The following SVIL variants were observed in gnomAD, a reference collection of about 807,000 sequenced individuals.
SVIL encodes archvillin.
A neutral mutation model predicts 240.4 loss-of-function variants in SVIL; 101 were observed. The ratio of observed to expected loss-of-function variants is 0.42; its 90% CI spans 0.36 to 0.50. The LOEUF (loss-of-function observed/expected upper bound fraction) is 0.50, where lower values mean the gene tolerates loss of function less well. Ranked by LOEUF, SVIL falls within the 20% of genes least tolerant of loss-of-function variation. The probability of loss-of-function intolerance (pLI) is 0.01; values close to 1 mark genes in which losing one functional copy is unlikely to be tolerated. For missense variants in SVIL, 2,512 were observed against 2,818.7 expected (o/e 0.89, Z 2.46); for synonymous variants, 999 against 1,100.0 (o/e 0.91, Z 1.82).
intron 2 of SVIL, among the ~76,000 whole-genome samples, chr10:29,567,126 C>T (rs528412559): frequency 2.1e-4 from 32 of 152,202 alleles, no homozygotes; most frequent in Admixed American, 5.9e-4. Flanking sequence ...TGCCGCCACC[C>T]CCCTTCCTCT....
At chr10:29,562,792 A>G (rs1431848274) in intron 3 of SVIL, among the ~76,000 whole-genome samples, 1 of 149,252 alleles carries the variant, frequency 6.7e-6, no homozygotes, top group African/African-American at 2.5e-5. Context: ...AAAAAAAAAA[A>G]AAAAGAGCCG....
rs574084915 is a variant in SVIL, at chr10:29,652,520, T to C, written c.-201+5449A>G. On this transcript the variant is annotated intron_variant, in intron 3 of 35. Coordinates refer to the SVIL transcript ENST00000375400. ...AATGCTGCTAGAAATATTATTATTT[T>C]TGTACAGCTGGGACTACAGGTATAG... is the stretch of plus-strand genomic sequence containing the variant. Among the ~76,000 whole-genome samples the C allele has an allele frequency of 8.5e-5, 13 of 152,346 alleles. No individual in the cohort carries two copies. In the East Asian group the frequency reaches 2.5e-3, roughly 29 times the overall value.
At position 29,623,578 on chromosome 10, in the gene SVIL, C is replaced by T. The variant is rs564804711; in HGVS notation, c.-201+10842G>A. Among the ~76,000 whole-genome samples, 74 of 152,310 alleles carry T rather than the reference C, an allele frequency of 4.9e-4. 1 individual carries two copies. The highest frequency in any genetic ancestry group is 1.6e-3 in the African/African-American group (68 of 41,568). On this transcript the variant is annotated intron_variant, in intron 1 of 37. Transcript: ENST00000355867. ...AACACAGTCATTTGCCAGGCAGGCG[C>T]GGAGGCTCACGCCTGTAATCCCAGC... is the stretch of plus-strand genomic sequence containing the variant.
chr10:29,635,246 A>T (rs1197519959), upstream of SVIL, among the ~76,000 whole-genome samples: 2 of 152,206 alleles, frequency 1.3e-5, no homozygotes, highest in African/African-American at 4.8e-5. Context: ...TTTTTAGGCT[A>T]AAAAAAGAGC....
At chr10:29,710,689 T>C (rs1963215830) in intron 1 of SVIL, among the ~76,000 whole-genome samples, 1 of 152,098 alleles carries the variant, frequency 6.6e-6, no homozygotes, top group Admixed American at 6.5e-5. Context: ...TCTGCAACAA[T>C]ATAGCAAGAT....
At chr10:29,703,593 C>G (rs1962676217) in intron 1 of SVIL, among the ~76,000 whole-genome samples, 1 of 152,352 alleles carries the variant, frequency 6.6e-6, no homozygotes, top group Non-Finnish European at 1.5e-5. Flanking sequence ...CTGGGGCCAG[C>G]AGACTCGTGG....
chr10:29,545,054 C>T (rs1345757867), intron 6 of SVIL: 2 of 534,594 alleles, frequency 3.7e-6, no homozygotes, highest in Admixed American at 1.9e-5. Flanking sequence ...GAAAACCTGC[C>T]TGCTAGTGGA....
rs1411203258 is a variant in SVIL at position 29,563,259 on chromosome 10, T to A, written c.-109A>T. ...TTCCTCTTTCGTGGTTAGCGAGCTG[T>A]TCTTTATCTTCGAGTGAGAACTCCT... On this transcript the variant is annotated 5_prime_UTR_variant, in exon 3 of 38. Coordinates refer to ENST00000355867, the MANE Select transcript of SVIL (RefSeq NM_021738.3). 2 of 985,752 alleles carry A rather than the reference T, an allele frequency of 2.0e-6. No homozygotes were observed. The highest frequency in any genetic ancestry group is 3.5e-5 in the African/African-American group (2 of 57,252). 61.1% of individuals were successfully genotyped at this position (985,752 alleles called of 1,614,324 possible). A position where few individuals can be genotyped will look rare whatever the true frequency, so the allele number is the denominator to read the frequency against.
chr10:29,574,318 T>C (rs1038028408), intron 1 of SVIL, among the ~76,000 whole-genome samples: 9 of 152,266 alleles, frequency 5.9e-5, no homozygotes, highest in South Asian at 2.1e-4. Context: ...GTCACTGTCA[T>C]AGCATGTCAT....
chr10:29,673,267 A>T, intron 2 of SVIL, among the ~76,000 whole-genome samples: 1 of 152,226 alleles, frequency 6.6e-6, no homozygotes. Context: ...CACTAGAAAT[A>T]TTCTTATTCT....
At position 29,536,050 on chromosome 10, in the gene SVIL, C is replaced by T. The variant is rs778680640; in HGVS notation, c.847G>A (p.Glu283Lys). 15 of 1,614,114 alleles carry T rather than the reference C, an allele frequency of 9.3e-6. No homozygotes were observed. The South Asian group carries it at 1.6e-4, about 18-fold the overall frequency. Residue 283 changes from glutamate (E) to lysine (K), a missense_variant, in exon 7 of 38, where the codon GAG becomes AAG. Coordinates refer to ENST00000355867, the MANE Select transcript of SVIL (RefSeq NM_021738.3). ...TCGGAATCTTTCTGGAGAAACCACT[C>T]ATGTTTGGGTTTCCCTGTACTATTG... is the stretch of plus-strand genomic sequence containing the variant. ...ARPSTGKPKH[E>K]WFLQKDSEGD...
At chr10:29,711,914 ATGTACTAAAATT>A (rs1564351074) in intron 1 of SVIL, 3 of 145,460 alleles carry the variant, frequency 2.1e-5, no homozygotes, top group African/African-American at 4.9e-5. Context: ...ATTACAGTAC[ATGTACTAAAATT>A]GGAATGATAT....
chr10:29,565,829 G>A (rs1307498045), intron 2 of SVIL, among the ~76,000 whole-genome samples: 1 of 152,110 alleles, frequency 6.6e-6, no homozygotes, highest in African/African-American at 2.4e-5. Context: ...GGAGTTTGAG[G>A]TTGCAGTGAG....
At chr10:29,593,340 C>T (rs555754496) in intron 1 of SVIL, among the ~76,000 whole-genome samples, 85 of 152,272 alleles carry the variant, frequency 5.6e-4, no homozygotes, top group African/African-American at 1.9e-3. Flanking sequence ...ACTCCTGGAC[C>T]TTCACATAAA....
At chr10:29,584,077 G>T (rs1313579158) in intron 1 of SVIL, among the ~76,000 whole-genome samples, 1 of 152,222 alleles carries the variant, frequency 6.6e-6, no homozygotes, top group African/African-American at 2.4e-5. Context: ...ACGAAGGAAG[G>T]CTTCCTGGAG....
At chr10:29,617,182 A>G (rs1038306810) in intron 1 of SVIL, among the ~76,000 whole-genome samples, 6 of 152,196 alleles carry the variant, frequency 3.9e-5, no homozygotes, top group African/African-American at 1.2e-4. Flanking sequence ...TTATGAAGAA[A>G]GGTATATAAG....
intron 16 of SVIL, among the ~76,000 whole-genome samples, chr10:29,519,894 G>A (rs1464602129): frequency 6.6e-6 from 1 of 152,120 alleles, no homozygotes. Flanking sequence ...ATACACTTCC[G>A]GGCTGTTCAC....
chr10:29,550,992 A>C lies in SVIL; in HGVS notation c.432T>G (p.Asp144Glu), dbSNP rs1346108774. Reference sequence around the variant, plus strand: ...TTTTTCCTCCCCGCTTCTCGACAGCATCAGGCTCCTTCCTGGACTTGGTAT... The same window carrying C: ...TTTTTCCTCCCCGCTTCTCGACAGCCTCAGGCTCCTTCCTGGACTTGGTAT... ...SRYTKSRKEPDAVEKRGGKSD... is the reference protein window; with the variant it reads ...SRYTKSRKEPEAVEKRGGKSD... Residue 144 changes from aspartate (D) to glutamate (E), a missense_variant, in exon 6 of 38, where the codon GAT (aspartate) becomes GAG (glutamate). Physicochemically the swap from Asp to Glu is conservative, Grantham distance 45 (BLOSUM62 2). Transcript: ENST00000355867. 1 of 1,614,146 alleles carries C rather than the reference A, an allele frequency of 6.2e-7. No homozygotes were observed. The highest frequency in any genetic ancestry group is 1.7e-5 in the Admixed American group (1 of 60,016).
chr10:29,632,258 G>A (rs1175705808), intron 1 of SVIL, among the ~76,000 whole-genome samples: 1 of 152,118 alleles, frequency 6.6e-6, no homozygotes, highest in Non-Finnish European at 1.5e-5. Context: ...GGGAGGCCGA[G>A]CGCTGGTAGA....
Sources: gnomAD v4.1 joint callset for allele counts (sites outside exome capture counted in the v4.1 genomes callset) on GRCh38, gnomAD v4.1.1 for gene constraint, MANE v1.5 for transcripts, NCBI Gene and HGNC (gene_info 2026-07-23, HGNC 2026-07-21) for gene names.